The following FHOD3 variants were observed in gnomAD, a reference collection of about 807,000 sequenced individuals.
FHOD3 encodes the protein formin homology 2 domain containing 3, also known as FH1/FH2 domain-containing protein 3.
A neutral mutation model predicts 173.0 loss-of-function variants in FHOD3; 90 were observed. The ratio of observed to expected loss-of-function variants is 0.52; its 90% confidence interval spans 0.44 to 0.62. FHOD3 has a LOEUF of 0.62. FHOD3 is among the 20% of genes least tolerant of loss of function. FHOD3 has a pLI of 0.00. For missense variants in FHOD3, 1,945 were observed against 2,034.7 expected, an observed-to-expected ratio of 0.96 and a Z score of 0.85; for synonymous variants, 828 against 823.0, an observed-to-expected ratio of 1.01 and a Z score of -0.10.
intron 3 of FHOD3, among the ~76,000 whole-genome samples, chr18:36,393,418 C>T (rs2048396761): frequency 6.6e-6 from 1 of 152,120 alleles, no homozygotes; most frequent in Non-Finnish European, 1.5e-5. Context: ...TTCTTGGTGG[C>T]ATCCCTGGCT....
rs574083913 is a variant in FHOD3 at position 36,481,206 on chromosome 18, G to T, written c.338-20726G>T. ...CGGTGGAGTCATTGTTGCTTTCTGT[G>T]TTTGTTCTTTGCATCTCTTTTCTTA... On this transcript the variant is annotated intron_variant, in intron 3 of 28. Transcript: ENST00000590592. Among the ~76,000 whole-genome samples the T allele has an allele frequency of 7.2e-5, 11 of 152,034 alleles. No individual in the cohort carries two copies. The East Asian group carries it at 2.1e-3, about 29-fold the overall frequency.
chr18:36,332,782 A>G (rs2045090341), intron 1 of FHOD3, among the ~76,000 whole-genome samples: 1 of 152,172 alleles, frequency 6.6e-6, no homozygotes, highest in Admixed American at 6.5e-5. Flanking sequence ...TGCCAGCGTT[A>G]GTTTTGCTTA....
At chr18:36,654,746 T>C (rs2036295436) in intron 13 of FHOD3, among the ~76,000 whole-genome samples, 1 of 152,210 alleles carries the variant, frequency 6.6e-6, no homozygotes, top group Non-Finnish European at 1.5e-5. Context: ...CCCTCCAGCA[T>C]ACTTCTTAAG....
chr18:36,777,202 T>C (rs1016793203), intron 28 of FHOD3, among the ~76,000 whole-genome samples: 10 of 145,086 alleles, frequency 6.9e-5, no homozygotes, highest in South Asian at 2.3e-4. Flanking sequence ...CTTTTTCTTT[T>C]TTTTTTTTTT....
chr18:36,298,089 C>T (rs2091844619), intron 1 of FHOD3, 89 bp downstream of exon 1: 8 of 1,248,212 alleles, frequency 6.4e-6, no homozygotes, highest in Non-Finnish European at 8.4e-6. Context: ...TCGTGGGCCC[C>T]CTGGGCTGGG....
intron 10 of FHOD3, among the ~76,000 whole-genome samples, chr18:36,630,856 ATGTT>A (rs1440791096): frequency 6.6e-6 from 1 of 152,246 alleles, no homozygotes; most frequent in Non-Finnish European, 1.5e-5. Context: ...TGACTAATGT[ATGTT>A]TCACAGAAGT....
intron 3 of FHOD3, among the ~76,000 whole-genome samples, chr18:36,380,539 CTCTCTTTCTTTTGT>C (rs2047691437): frequency 7.3e-6 from 1 of 137,324 alleles, no homozygotes; most frequent in African/African-American, 2.9e-5. Flanking sequence ...TTCCCTTTCT[CTCTCTTTCTTTTGT>C]TTTCTTTTCT....
At chr18:36,674,451 C>T (rs1471433930) in intron 14 of FHOD3, among the ~76,000 whole-genome samples, 1 of 152,198 alleles carries the variant, frequency 6.6e-6, no homozygotes, top group Non-Finnish European at 1.5e-5. Context: ...GTGATCATAG[C>T]TCACTGTGGC....
At chr18:36,772,420 T>G (rs2043426563) in intron 28 of FHOD3, among the ~76,000 whole-genome samples, 1 of 152,248 alleles carries the variant, frequency 6.6e-6, no homozygotes, top group African/African-American at 2.4e-5. Flanking sequence ...TTTGATTTGT[T>G]TAATGATGGC....
intron 9 of FHOD3, among the ~76,000 whole-genome samples, chr18:36,623,520 A>G (rs1013029564): frequency 3.9e-5 from 6 of 152,246 alleles, no homozygotes; most frequent in African/African-American, 1.2e-4. Context: ...GAGATGACAT[A>G]TGTGCTTAAC....
intron 27 of FHOD3, among the ~76,000 whole-genome samples, chr18:36,764,363 C>A (rs2043049902): frequency 6.6e-6 from 1 of 152,136 alleles, no homozygotes; most frequent in South Asian, 2.1e-4. Context: ...TACCTTGTGG[C>A]ACCCAAAAAG....
chr18:36,362,123 C>T (rs2046654539), intron 2 of FHOD3, among the ~76,000 whole-genome samples: 1 of 152,190 alleles, frequency 6.6e-6, no homozygotes, highest in Non-Finnish European at 1.5e-5. Context: ...AGAGAGCCCC[C>T]ACAGAACTCC....
At chr18:36,714,354 T>A (rs952707859) in intron 18 of FHOD3, among the ~76,000 whole-genome samples, 1 of 152,090 alleles carries the variant, frequency 6.6e-6, no homozygotes, top group African/African-American at 2.4e-5. Flanking sequence ...CTGGTCAACA[T>A]GGTGAAACTC....
chr18:36,482,761 C>G (rs2053971186), intron 3 of FHOD3, among the ~76,000 whole-genome samples: 1 of 151,334 alleles, frequency 6.6e-6, no homozygotes, highest in Admixed American at 6.6e-5. Context: ...TTCATGGAGT[C>G]CAATAAATGT....
At chr18:36,735,646 T>C (rs2041593778) in intron 20 of FHOD3, among the ~76,000 whole-genome samples, 1 of 152,224 alleles carries the variant, frequency 6.6e-6, no homozygotes, top group Non-Finnish European at 1.5e-5. Flanking sequence ...TAAAAAGTTT[T>C]TTTTTTTAAG....
intron 5 of FHOD3, among the ~76,000 whole-genome samples, chr18:36,532,892 T>C (rs186074207): frequency 6.6e-6 from 1 of 152,382 alleles, no homozygotes; most frequent in East Asian, 1.9e-4. Context: ...TGTCTCGTTG[T>C]GTCATTCAAG....
chr18:36,375,201 G>A (rs2047379807), intron 3 of FHOD3, among the ~76,000 whole-genome samples: 1 of 152,162 alleles, frequency 6.6e-6, no homozygotes, highest in Non-Finnish European at 1.5e-5. Flanking sequence ...AACAATACCC[G>A]GAACAATTTT....
intron 19 of FHOD3, among the ~76,000 whole-genome samples, chr18:36,728,177 T>G (rs1034508089): frequency 1.3e-5 from 2 of 152,176 alleles, no homozygotes; most frequent in Non-Finnish European, 2.9e-5. Flanking sequence ...ATTGCCAGCC[T>G]GAAAAAAATC....
chr18:36,414,888 G>C (rs544095852), intron 3 of FHOD3, among the ~76,000 whole-genome samples: 1 of 152,278 alleles, frequency 6.6e-6, no homozygotes, highest in East Asian at 1.9e-4. Flanking sequence ...GCTCCTGCAG[G>C]GCTGTCTGAC....
Sources: allele counts gnomAD v4.1 joint callset (sites outside exome capture counted in the v4.1 genomes callset), GRCh38; gene constraint gnomAD v4.1.1; transcripts MANE v1.5; gene names NCBI Gene and HGNC (gene_info 2026-07-23, HGNC 2026-07-21).